Variants in KBTBD11 observed in about 807,000 individuals in gnomAD.
The protein encoded by KBTBD11 is kelch repeat and BTB domain-containing protein 11.
For missense variants in KBTBD11, 1,390 were observed against 1,001.8 expected (o/e 1.39, Z -5.23); for synonymous variants, 747 against 499.0 (o/e 1.50, Z -6.63).
At chr8:1,998,779 C>T (rs577146571) in intron 1 of KBTBD11, among the ~76,000 whole-genome samples, 1 of 141,836 alleles carries the variant, frequency 7.1e-6, no homozygotes, top group East Asian at 1.9e-4. Flanking sequence ...GATTTGCTCT[C>T]TCTCTCCTTT....
intron 1 of KBTBD11, among the ~76,000 whole-genome samples, chr8:1,982,516 C>T (rs1471158016): frequency 6.6e-6 from 1 of 152,004 alleles, no homozygotes; most frequent in African/African-American, 2.4e-5. Flanking sequence ...ACAAGAGACC[C>T]ACTGGCCTTT....
rs1353154454 is a variant in KBTBD11 at position 2,001,596 on chromosome 8, C to T, written c.404C>T (p.Ala135Val). The change falls in exon 2 of 2, where the codon GCG becomes GTG. Residue 135 changes from alanine to valine, a missense_variant. Physicochemically the swap from Ala to Val is moderately conservative, Grantham distance 64. Transcript: ENST00000320248. ...GCGCCCGTACCCCCGGGGTTCGGGG[C>T]GGTGTACGGGGAGCCGGACCTGGTG... ...EPAPVPPGFGAVYGEPDLVLE... is the reference protein window; with the variant it reads ...EPAPVPPGFGVVYGEPDLVLE... 3.4e-6 allele frequency: 5 copies of T among 1,464,778 alleles called. No individual in the cohort carries two copies. Among genetic ancestry groups the T allele is most frequent in the Admixed American group, 2.4e-5 (1 of 41,528 alleles). 90.7% of individuals were successfully genotyped at this position (1,464,778 alleles called of 1,614,324 possible).
intron 1 of KBTBD11, among the ~76,000 whole-genome samples, chr8:1,987,673 G>C (rs747288266): frequency 6.6e-6 from 1 of 152,002 alleles, no homozygotes; most frequent in Non-Finnish European, 1.5e-5. Flanking sequence ...CTGGGAGGAC[G>C]CACCTGTCAC....
chr8:1,984,916 A>G (rs1270822660), intron 1 of KBTBD11, among the ~76,000 whole-genome samples: 2 of 152,196 alleles, frequency 1.3e-5, no homozygotes, highest in African/African-American at 2.4e-5. Flanking sequence ...TCTGTTTGCA[A>G]AGCCCAACAT....
intron 1 of KBTBD11, among the ~76,000 whole-genome samples, chr8:1,985,425 C>G (rs1322466624): frequency 2.0e-5 from 3 of 152,294 alleles, no homozygotes; most frequent in Non-Finnish European, 4.4e-5. Context: ...ATTCCGAACA[C>G]TGGACAGTCT....
chr8:2,002,358 C>G lies in KBTBD11; in HGVS notation c.1166C>G (p.Thr389Arg). ...CAGGTCTTCTGCTACAACCCGGCCA[C>G]GGACAGCTGGAGCGCCGTGAGGCCC... ...SDQVFCYNPA[T>R]DSWSAVRPLR... Residue 389 changes from threonine to arginine, a missense_variant, in exon 2 of 2, where the codon ACG becomes AGG. Transcript: ENST00000320248. The surrounding 1 kb of genome is among the most constrained non-coding windows in gnomAD (Gnocchi z 4.1). 1.4e-6 allele frequency: 2 copies of G among 1,471,602 alleles called. No individual in the cohort carries two copies. The highest frequency in any genetic ancestry group is 1.8e-6 in the Non-Finnish European group (2 of 1,117,300). The allele number at this position is 1,471,602 out of a possible 1,614,324, so 91.2% of individuals were successfully genotyped here.
intron 1 of KBTBD11, among the ~76,000 whole-genome samples, chr8:1,994,271 C>T: frequency 6.6e-6 from 1 of 151,374 alleles, no homozygotes; most frequent in East Asian, 1.9e-4. Context: ...GCCCCAGGAT[C>T]CCAGTGCTGC....
chr8:1,992,849 C>G (rs1034848839), intron 1 of KBTBD11, among the ~76,000 whole-genome samples: 1 of 151,266 alleles, frequency 6.6e-6, no homozygotes, highest in Non-Finnish European at 1.5e-5. Flanking sequence ...TTTTCAAAAC[C>G]TTTTTTGTGA....
chr8:1,983,653 C>T (rs1350621542), intron 1 of KBTBD11, among the ~76,000 whole-genome samples: 2 of 152,108 alleles, frequency 1.3e-5, no homozygotes, highest in African/African-American at 4.8e-5. Context: ...CAAATAAGAC[C>T]ATGAATGTTG....
intron 1 of KBTBD11, chr8:1,975,842 A>G (rs939827739): frequency 6.6e-6 from 1 of 152,196 alleles, no homozygotes; most frequent in African/African-American, 2.4e-5. Context: ...TTATCGCATC[A>G]TTTGTAAACT....
chr8:2,001,387 G>C lies in KBTBD11; in HGVS notation c.195G>C (p.Pro65=). The part of the protein sequence containing the change: ...ASAAEGAATS[P]PSSGGPRVVE... ...CGGCGGAAGGCGCGGCCACCTCCCC[G>C]CCCTCCAGCGGTGGCCCGCGGGTGG... The change falls in exon 2 of 2, where the codon CCG becomes CCC. Residue 65 remains proline, a synonymous_variant. Coordinates refer to ENST00000320248, the MANE Select transcript of KBTBD11 (RefSeq NM_014867.3). 1.4e-6 allele frequency: 2 copies of C among 1,452,480 alleles called. No homozygotes were observed. The highest frequency in any genetic ancestry group is 1.8e-6 in the Non-Finnish European group (2 of 1,105,456). 90.0% of individuals were successfully genotyped at this position (1,452,480 alleles called of 1,614,324 possible).
At chr8:1,998,211 C>T (rs1179042606) in intron 1 of KBTBD11, among the ~76,000 whole-genome samples, 1 of 152,080 alleles carries the variant, frequency 6.6e-6, no homozygotes, top group Admixed American at 6.6e-5. Context: ...ATGGGAAATC[C>T]TGAAGAGCTC....
intron 1 of KBTBD11, among the ~76,000 whole-genome samples, chr8:1,983,343 C>A (rs1167020126): frequency 6.6e-6 from 1 of 152,224 alleles, no homozygotes; most frequent in Non-Finnish European, 1.5e-5. Flanking sequence ...AGCCACCATA[C>A]ATCTGTCCCC....
intron 1 of KBTBD11, among the ~76,000 whole-genome samples, chr8:1,978,463 C>A (rs1374054565): frequency 6.6e-6 from 1 of 152,206 alleles, no homozygotes; most frequent in Non-Finnish European, 1.5e-5. Flanking sequence ...CCTCGGGGAC[C>A]TTCCCCTGTC....
intron 1 of KBTBD11, among the ~76,000 whole-genome samples, chr8:1,980,052 C>T (rs1054946303): frequency 6.6e-6 from 1 of 152,178 alleles, no homozygotes; most frequent in African/African-American, 2.4e-5. Flanking sequence ...GTACAATTAC[C>T]TGAAAGTGCT....
chr8:2,001,738 G>C lies in KBTBD11; in HGVS notation c.546G>C (p.Thr182=), dbSNP rs761664575. 4.0e-5 allele frequency: 54 copies of C among 1,341,882 alleles called. No homozygotes were observed. The highest frequency in any genetic ancestry group is 3.5e-4 in the African/African-American group (23 of 65,202). The allele number at this position is 1,341,882 out of a possible 1,614,324, so 83.1% of individuals were successfully genotyped here. Reference sequence around the variant, plus strand: ...TGCGGGTGCAGGGAGTGAGCCTGACGGCGCTGCGGCTGCTCCTCGCCGACG... The same window carrying C: ...TGCGGGTGCAGGGAGTGAGCCTGACCGCGCTGCGGCTGCTCCTCGCCGACG... ...DVLRVQGVSL[T]ALRLLLADAY... The change falls in exon 2 of 2, where the codon ACG becomes ACC. Residue 182 remains threonine (T), a synonymous_variant. Coordinates refer to ENST00000320248, the MANE Select transcript of KBTBD11 (RefSeq NM_014867.3).
At chr8:1,998,177 T>C (rs2129315236) in intron 1 of KBTBD11, among the ~76,000 whole-genome samples, 1 of 152,330 alleles carries the variant, frequency 6.6e-6, no homozygotes, top group Middle Eastern at 3.4e-3. Flanking sequence ...TAAGTATAAA[T>C]GCAAGTATTC....
At chr8:1,984,877 G>C (rs1158218997) in intron 1 of KBTBD11, among the ~76,000 whole-genome samples, 1 of 152,134 alleles carries the variant, frequency 6.6e-6, no homozygotes, top group Non-Finnish European at 1.5e-5. Flanking sequence ...GCTGCTGTTT[G>C]GCCTTCTCGG....
At position 2,002,230 on chromosome 8, in the gene KBTBD11, C is replaced by G; in HGVS notation, c.1038C>G (p.Gly346=). 1 of 1,267,142 alleles carries G rather than the reference C, an allele frequency of 7.9e-7. No homozygotes were observed. The highest frequency in any genetic ancestry group is 9.9e-7 in the Non-Finnish European group (1 of 1,011,114). 78.5% of individuals were successfully genotyped at this position (1,267,142 alleles called of 1,614,324 possible). A position where few individuals can be genotyped will look rare whatever the true frequency, so the allele number is the denominator to read the frequency against. ...EWRELTRLPE[G]APARGCGLCV... is the part of the protein sequence containing the mutation. ...GCGAGCTGACGCGGCTGCCCGAGGG[C>G]GCGCCGGCGCGGGGCTGCGGCCTGT... is the stretch of plus-strand genomic sequence containing the variant. The change falls in exon 2 of 2, where the codon GGC becomes GGG. Residue 346 remains glycine, a synonymous_variant. Transcript: ENST00000320248. The surrounding 1 kb of genome is among the most constrained non-coding windows in gnomAD (Gnocchi z 4.1).
Sources: allele counts gnomAD v4.1 joint callset (sites outside exome capture counted in the v4.1 genomes callset), GRCh38; gene constraint gnomAD v4.1.1; non-coding constraint Gnocchi (gnomAD v3.1); transcripts MANE v1.5; gene names NCBI Gene and HGNC (gene_info 2026-07-23, HGNC 2026-07-21).